The following NAV3 variants were observed in gnomAD, a reference collection of about 807,000 sequenced individuals.
The protein encoded by NAV3 is pore membrane and/or filament interacting like protein 1.
Under a neutral mutation model 244.7 loss-of-function variants are expected in NAV3, and 87 were observed. The observed-to-expected ratio is 0.36, with a 90% CI of 0.30 to 0.42. NAV3 has a LOEUF of 0.42. NAV3 is among the 20% of genes least tolerant of loss of function. NAV3 has a pLI of 1.00. For synonymous variants in NAV3, 1,126 were observed against 1,042.2 expected, an observed-to-expected ratio of 1.08 and a Z score of -1.55; for missense variants, 2,663 against 2,893.3, an observed-to-expected ratio of 0.92 and a Z score of 1.83.
At chr12:77,808,873 C>T (rs952925091) in intron 2 of NAV3, among the ~76,000 whole-genome samples, 1 of 152,198 alleles carries the variant, frequency 6.6e-6, no homozygotes, top group African/African-American at 2.4e-5. Context: ...TATGCCGTCT[C>T]AGAGAGGAGG....
chr12:77,749,232 G>A (rs1868714253), intron 2 of NAV3, among the ~76,000 whole-genome samples: 1 of 152,162 alleles, frequency 6.6e-6, no homozygotes, highest in Non-Finnish European at 1.5e-5. Context: ...TGAGAACAGA[G>A]TCCAATGAAC....
intron 12 of NAV3, among the ~76,000 whole-genome samples, chr12:78,101,141 C>T (rs1203112550): frequency 6.6e-6 from 1 of 152,242 alleles, no homozygotes; most frequent in Admixed American, 6.5e-5. Flanking sequence ...TTGATTTATT[C>T]CACAAACACT....
chr12:78,194,939 A>G (rs1265911387), intron 34 of NAV3, among the ~76,000 whole-genome samples: 3 of 152,088 alleles, frequency 2.0e-5, no homozygotes, highest in African/African-American at 4.8e-5. Context: ...TTTACATACT[A>G]TAAACAAAAT....
chr12:77,873,291 T>C (rs1881264278), intron 1 of NAV3, among the ~76,000 whole-genome samples: 1 of 152,136 alleles, frequency 6.6e-6, no homozygotes, highest in Non-Finnish European at 1.5e-5. Flanking sequence ...TCAGATTTAC[T>C]TTTTAGTATA....
intron 1 of NAV3, among the ~76,000 whole-genome samples, chr12:77,922,887 T>C (rs2137195274): frequency 6.6e-6 from 1 of 152,236 alleles, no homozygotes; most frequent in South Asian, 2.1e-4. Flanking sequence ...AAGAACAATA[T>C]CTGAAATCAG....
chr12:78,078,560 T>G (rs1487268139), intron 12 of NAV3, among the ~76,000 whole-genome samples: 1 of 151,490 alleles, frequency 6.6e-6, no homozygotes, highest in Non-Finnish European at 1.5e-5. Flanking sequence ...TACGCCCGGC[T>G]AATTTTTTGT....
intron 2 of NAV3, among the ~76,000 whole-genome samples, chr12:77,660,307 A>G (rs770006260): frequency 1.3e-5 from 2 of 152,100 alleles, no homozygotes; most frequent in African/African-American, 2.4e-5. Flanking sequence ...TCTTGTTCCT[A>G]TTTTCCCATT....
chr12:78,108,308 A>G (rs538060417), intron 12 of NAV3, among the ~76,000 whole-genome samples: 1 of 152,316 alleles, frequency 6.6e-6, no homozygotes, highest in African/African-American at 2.4e-5. Context: ...AGATCCACAA[A>G]GCAAATATTA....
At chr12:78,052,352 G>T (rs947505869) in intron 11 of NAV3, 1 of 152,144 alleles carries the variant, frequency 6.6e-6, no homozygotes, top group African/African-American at 2.4e-5. Context: ...GACTAATTAT[G>T]ATTAATTAAG....
At chr12:78,087,586 T>C (rs1489477643) in intron 12 of NAV3, among the ~76,000 whole-genome samples, 1 of 152,026 alleles carries the variant, frequency 6.6e-6, no homozygotes, top group Non-Finnish European at 1.5e-5. Context: ...GCAATGTTAG[T>C]GTGTTATAAT....
At chr12:77,737,945 T>C (rs1037889155) in intron 2 of NAV3, among the ~76,000 whole-genome samples, 1 of 152,208 alleles carries the variant, frequency 6.6e-6, no homozygotes, top group Non-Finnish European at 1.5e-5. Context: ...TCATGCAGCA[T>C]TTACTGTTCT....
chr12:77,977,702 A>ACACGCG, intron 5 of NAV3, among the ~76,000 whole-genome samples: 1 of 92,572 alleles, frequency 1.1e-5, no homozygotes, highest in Non-Finnish European at 2.6e-5. Flanking sequence ...ACACACACAC[A>ACACGCG]CACACACGCG....
intron 2 of NAV3, among the ~76,000 whole-genome samples, chr12:77,803,506 T>C (rs566034788): frequency 3.9e-5 from 6 of 152,298 alleles, no homozygotes; most frequent in African/African-American, 1.4e-4. Context: ...ATGGGCCACA[T>C]TTTCTTTATC....
Position 78,161,069 on chromosome 12 carries a change from GA to G in NAV3, c.4869+1785del, listed in dbSNP as rs576449343. On this transcript the variant is annotated intron_variant, in intron 23 of 39. Coordinates refer to ENST00000397909, the MANE Select transcript of NAV3 (RefSeq NM_001024383.2). ...GCTTTTTAGAGCAGCTGACGGGAAA[GA>G]ATAAAAACACTGGGCCCCAGTATTC... Among the ~76,000 whole-genome samples the G allele has an allele frequency of 3.1e-4, 47 of 152,144 alleles. No homozygotes were observed. The East Asian group carries it at 9.1e-3, about 29-fold the overall frequency.
chr12:77,888,163 C>A (rs1883515137), intron 1 of NAV3, among the ~76,000 whole-genome samples: 1 of 151,700 alleles, frequency 6.6e-6, no homozygotes, highest in Non-Finnish European at 1.5e-5. Context: ...CATTTTAAAC[C>A]CATACTCTAA....
At chr12:78,007,587 T>G in intron 8 of NAV3, 142 bp downstream of exon 8, 2 of 865,060 alleles carry the variant, frequency 2.3e-6, no homozygotes, top group Non-Finnish European at 3.4e-6. Flanking sequence ...AGGCCTAGAA[T>G]TCAGTGCGGA....
intron 1 of NAV3, among the ~76,000 whole-genome samples, chr12:77,903,888 G>GA: frequency 6.6e-6 from 1 of 152,144 alleles, no homozygotes; most frequent in Non-Finnish European, 1.5e-5. Flanking sequence ...AAAGACACAT[G>GA]AAAAAATGCT....
At chr12:77,646,671 A>G (rs1872617976) in intron 2 of NAV3, among the ~76,000 whole-genome samples, 1 of 152,074 alleles carries the variant, frequency 6.6e-6, no homozygotes, top group Non-Finnish European at 1.5e-5. Flanking sequence ...TTGGTTGTCC[A>G]GGTGCGAGTC....
intron 11 of NAV3, among the ~76,000 whole-genome samples, chr12:78,058,734 C>A (rs1286564834): frequency 1.3e-5 from 2 of 151,948 alleles, no homozygotes; most frequent in African/African-American, 4.8e-5. Context: ...AAAATAGGTT[C>A]TATGGTAGGC....
Sources: allele counts gnomAD v4.1 joint callset (sites outside exome capture counted in the v4.1 genomes callset), GRCh38; gene constraint gnomAD v4.1.1; transcripts MANE v1.5; gene names NCBI Gene and HGNC (gene_info 2026-07-23, HGNC 2026-07-21).